The following WDR70 variants were observed in gnomAD, a reference collection of about 807,000 sequenced individuals.
WDR70 encodes the protein WD repeat-containing protein 70.
A neutral mutation model predicts 88.6 loss-of-function variants in WDR70; 53 were observed. The ratio of observed to expected loss-of-function variants is 0.60; its 90% CI spans 0.48 to 0.75. The LOEUF is 0.75. WDR70 is among the 30% of genes least tolerant of loss of function. The probability of loss-of-function intolerance (pLI) is 0.00; values close to 1 mark genes in which losing one functional copy is unlikely to be tolerated. For synonymous variants in WDR70, 280 were observed against 270.0 expected, an observed-to-expected ratio of 1.04 and a Z score of -0.36; for missense variants, 610 against 823.2, an observed-to-expected ratio of 0.74 and a Z score of 3.17.
chr5:37,735,063 A>C (rs975840229), intron 17 of WDR70, among the ~76,000 whole-genome samples: 13 of 152,174 alleles, frequency 8.5e-5, no homozygotes, highest in African/African-American at 2.7e-4. Flanking sequence ...AAAATGTGAA[A>C]GCTTTTGTGG....
intron 10 of WDR70, among the ~76,000 whole-genome samples, chr5:37,678,900 G>A (rs1292333082): frequency 3.0e-4 from 46 of 152,294 alleles, no homozygotes; most frequent in Admixed American, 9.2e-4. Context: ...TTTTCACATA[G>A]TCCCATATTT....
rs550952968 is a variant in WDR70, at chr5:37,626,776, A to G, written c.1092+21538A>G. On this transcript the variant is annotated intron_variant, in intron 10 of 17. Transcript: ENST00000265107. ...CTTTTTTGTTGTTGAAAGACCTTTT[A>G]CTACTGATTCTCTCTCATGACTTGT... is the stretch of plus-strand genomic sequence containing the variant. 5.9e-5 allele frequency among the ~76,000 whole-genome samples: 9 copies of G among 152,148 alleles called. No homozygotes were observed. The South Asian group carries it at 1.9e-3, about 32-fold the overall frequency.
chr5:37,495,291 T>C (rs1740180851), intron 8 of WDR70, among the ~76,000 whole-genome samples: 1 of 152,120 alleles, frequency 6.6e-6, no homozygotes, highest in African/African-American at 2.4e-5. Flanking sequence ...CGTCTCTTCT[T>C]GGGGGTAGGC....
intron 7 of WDR70, among the ~76,000 whole-genome samples, chr5:37,463,065 A>T (rs1425960894): frequency 1.3e-5 from 2 of 151,996 alleles, no homozygotes; most frequent in African/African-American, 2.4e-5. Flanking sequence ...CGAGGTCAGG[A>T]GTTTGAGACC....
chr5:37,430,710 G>A (rs985928013), intron 5 of WDR70, among the ~76,000 whole-genome samples: 4 of 151,812 alleles, frequency 2.6e-5, no homozygotes, highest in Non-Finnish European at 5.9e-5. Context: ...ACAAGCCTGC[G>A]CCACCACACC....
chr5:37,522,130 G>A (rs773061954), intron 9 of WDR70, among the ~76,000 whole-genome samples: 49 of 152,168 alleles, frequency 3.2e-4, no homozygotes, highest in Non-Finnish European at 5.6e-4. Flanking sequence ...TAGTGATGGT[G>A]AGCATTTTTC....
At chr5:37,561,329 G>A (rs139473943) in intron 9 of WDR70, among the ~76,000 whole-genome samples, 3 of 152,282 alleles carry the variant, frequency 2.0e-5, no homozygotes, top group Admixed American at 6.5e-5. Flanking sequence ...ATAGAAAACC[G>A]AGGGATAAGA....
chr5:37,692,411 C>T (rs1193801784), intron 10 of WDR70, among the ~76,000 whole-genome samples: 1 of 151,746 alleles, frequency 6.6e-6, no homozygotes, highest in Non-Finnish European at 1.5e-5. Context: ...AGAGACACAA[C>T]AAAAAAAGAA....
At chr5:37,479,788 A>C (rs1353268980) in intron 7 of WDR70, 46 bp from the exon 8 acceptor site, 1 of 1,558,232 alleles carries the variant, frequency 6.4e-7, no homozygotes, top group Admixed American at 2.0e-5. Flanking sequence ...AAAATTATAA[A>C]CATTGTGCTT....
chr5:37,746,401 G>A (rs948985798), intron 17 of WDR70, among the ~76,000 whole-genome samples: 2 of 152,086 alleles, frequency 1.3e-5, no homozygotes, highest in African/African-American at 2.4e-5. Flanking sequence ...CCAAAAGCTA[G>A]CAGAAGACAA....
At position 37,506,209 on chromosome 5, in the gene WDR70, C is replaced by T. The variant is rs1740555876; in HGVS notation, c.841-10305C>T. 1.5e-5 allele frequency: 15 copies of T among 981,406 alleles called. No individual in the cohort carries two copies. In the South Asian group the frequency reaches 1.8e-4, roughly 12 times the overall value. 60.8% of individuals were successfully genotyped at this position (981,406 alleles called of 1,614,324 possible). ...AAGTTCAAACTCTGGTATCACAGTT[C>T]TGACTTGGTTGGAGTTGCTATCAAA... is the stretch of plus-strand genomic sequence containing the variant. On this transcript the variant is annotated intron_variant, in intron 8 of 17. Coordinates refer to ENST00000265107, the MANE Select transcript of WDR70 (RefSeq NM_018034.4).
chr5:37,722,264 G>T (rs1290256291), intron 14 of WDR70: 1 of 152,178 alleles, frequency 6.6e-6, no homozygotes. Flanking sequence ...TGGAAGCTTT[G>T]CTTTAAGAAA....
chr5:37,653,254 A>G (rs757401211), intron 10 of WDR70, among the ~76,000 whole-genome samples: 2 of 152,230 alleles, frequency 1.3e-5, no homozygotes, highest in South Asian at 2.1e-4. Context: ...ATTGATTTAC[A>G]TATGTTGAAC....
chr5:37,625,935 G>A (rs563307780), intron 10 of WDR70, among the ~76,000 whole-genome samples: 1 of 150,982 alleles, frequency 6.6e-6, no homozygotes, highest in African/African-American at 2.4e-5. Flanking sequence ...GTATAAAAAG[G>A]CTACTGATTT....
Position 37,412,504 on chromosome 5 carries a change from T to C in WDR70, c.492+15934T>C, listed in dbSNP as rs372758467. ...CTAACTCATAATTAAATGGAAACTTTAGGATTACTGAGGATTTTCATTATC... is the reference window on the plus strand; with the variant it reads ...CTAACTCATAATTAAATGGAAACTTCAGGATTACTGAGGATTTTCATTATC... On this transcript the variant is annotated intron_variant, in intron 5 of 17. Coordinates refer to ENST00000265107, the MANE Select transcript of WDR70 (RefSeq NM_018034.4). 1.8e-3 allele frequency among the ~76,000 whole-genome samples: 269 copies of C among 152,314 alleles called. 11 individuals carry two copies. In the South Asian group the frequency reaches 0.054, roughly 31 times the overall value.
chr5:37,383,548 C>A (rs1233858789), intron 3 of WDR70, among the ~76,000 whole-genome samples: 1 of 151,658 alleles, frequency 6.6e-6, no homozygotes, highest in Non-Finnish European at 1.5e-5. Flanking sequence ...AGGTGTGAAC[C>A]ACTGTGCCAG....
chr5:37,715,151 A>G (rs1747619323), intron 13 of WDR70, among the ~76,000 whole-genome samples: 1 of 152,170 alleles, frequency 6.6e-6, no homozygotes, highest in South Asian at 2.1e-4. Flanking sequence ...AATGCATAAT[A>G]TATGCATCTG....
At chr5:37,656,789 C>T (rs530139443) in intron 10 of WDR70, among the ~76,000 whole-genome samples, 1 of 152,312 alleles carries the variant, frequency 6.6e-6, no homozygotes, top group Non-Finnish European at 1.5e-5. Context: ...TGGAGGATGC[C>T]TCTCCCGCAA....
chr5:37,442,145 C>T (rs1456197861), intron 6 of WDR70, among the ~76,000 whole-genome samples: 2 of 148,706 alleles, frequency 1.3e-5, no homozygotes, highest in Admixed American at 1.3e-4. Flanking sequence ...TCAAGCAATT[C>T]TCCTGCCTCA....
Sources: allele counts gnomAD v4.1 joint callset (sites outside exome capture counted in the v4.1 genomes callset), GRCh38; gene constraint gnomAD v4.1.1; transcripts MANE v1.5; gene names NCBI Gene and HGNC (gene_info 2026-07-23, HGNC 2026-07-21).